The following PAM variants were observed in gnomAD, a reference collection of about 807,000 sequenced individuals.
The protein encoded by PAM is peptidylglycine alpha-amidating monooxygenase, also known as peptidyl-glycine alpha-amidating monooxygenase.
Under a neutral mutation model 122.1 loss-of-function variants are expected in PAM, and 72 were observed. That is an observed-to-expected ratio of 0.59 (90% confidence interval 0.49 to 0.72). PAM has a LOEUF of 0.72. PAM is among the 30% of genes least tolerant of loss of function. The pLI, the probability that PAM is intolerant of heterozygous loss-of-function variation, is 0.00. For missense variants in PAM, 1,106 were observed against 1,183.7 expected, an observed-to-expected ratio of 0.93 and a Z score of 0.96; for synonymous variants, 389 against 404.4, an observed-to-expected ratio of 0.96 and a Z score of 0.46.
intron 1 of PAM, among the ~76,000 whole-genome samples, chr5:102,760,044 A>T (rs1751855584): frequency 6.6e-6 from 1 of 152,116 alleles, no homozygotes; most frequent in Non-Finnish European, 1.5e-5. Flanking sequence ...TCCATTAGTC[A>T]CTCAGACTTT....
At chr5:102,954,283 T>A (rs908317412) in intron 12 of PAM, among the ~76,000 whole-genome samples, 5 of 151,996 alleles carry the variant, frequency 3.3e-5, no homozygotes, top group Non-Finnish European at 4.4e-5. Context: ...ATATGTAGTT[T>A]TTTTTATCCT....
chr5:102,927,862 T>C (rs1750141020), intron 7 of PAM, among the ~76,000 whole-genome samples: 1 of 151,882 alleles, frequency 6.6e-6, no homozygotes, highest in African/African-American at 2.4e-5. Context: ...CTTTGAGTTA[T>C]ACACAAATAA....
intron 12 of PAM, among the ~76,000 whole-genome samples, chr5:102,952,889 C>G (rs1425044044): frequency 1.3e-5 from 2 of 152,108 alleles, no homozygotes; most frequent in East Asian, 3.8e-4. Flanking sequence ...CCCACACATA[C>G]AAACACACAT....
chr5:102,878,295 T>C (rs1789848061), intron 3 of PAM, among the ~76,000 whole-genome samples: 1 of 152,328 alleles, frequency 6.6e-6, no homozygotes, highest in African/African-American at 2.4e-5. Context: ...CACCTAGTGA[T>C]GTAGCTTTCA....
intron 1 of PAM, among the ~76,000 whole-genome samples, chr5:102,852,689 T>C (rs767145161): frequency 6.6e-6 from 1 of 152,142 alleles, no homozygotes. Flanking sequence ...TAAAATAAAA[T>C]TTATGCATAT....
intron 1 of PAM, among the ~76,000 whole-genome samples, chr5:102,863,153 C>A (rs889514440): frequency 6.6e-6 from 1 of 151,570 alleles, no homozygotes; most frequent in Admixed American, 6.6e-5. Context: ...ATCATTCTTA[C>A]CTGAAGATTT....
intron 1 of PAM, among the ~76,000 whole-genome samples, chr5:102,791,389 T>C (rs1762018181): frequency 1.3e-5 from 2 of 152,114 alleles, no homozygotes; most frequent in South Asian, 2.1e-4. Flanking sequence ...TTCTTTTTTT[T>C]AACTGCCAAT....
chr5:102,903,800 C>G (rs1798729846), intron 4 of PAM, among the ~76,000 whole-genome samples: 1 of 151,528 alleles, frequency 6.6e-6, no homozygotes, highest in South Asian at 2.1e-4. Flanking sequence ...GAGAAATGAG[C>G]AAAGTTATCA....
chr5:102,920,383 A>G (rs1746988491), intron 5 of PAM, among the ~76,000 whole-genome samples: 1 of 152,064 alleles, frequency 6.6e-6, no homozygotes, highest in South Asian at 2.1e-4. Context: ...CTCTGCTTTT[A>G]TGGACTTACT....
At chr5:102,871,619 T>C (rs1787488246) in intron 3 of PAM, among the ~76,000 whole-genome samples, 2 of 150,444 alleles carry the variant, frequency 1.3e-5, no homozygotes. Context: ...TCAGAAATTC[T>C]TATACATCTT....
intron 16 of PAM, among the ~76,000 whole-genome samples, chr5:102,990,928 T>C (rs1562163129): frequency 6.6e-6 from 1 of 152,218 alleles, no homozygotes; most frequent in Non-Finnish European, 1.5e-5. Context: ...TAATATAGAC[T>C]ACTTTTATTA....
chr5:102,898,442 GGACAGTGTGTTC>G (rs1796774491), intron 3 of PAM, among the ~76,000 whole-genome samples: 1 of 151,582 alleles, frequency 6.6e-6, no homozygotes, highest in African/African-American at 2.4e-5. Context: ...ATCCTTACTA[GGACAGTGTGTTC>G]ATAGGAAGAC....
rs114666768 is a variant in PAM, at chr5:102,822,198, T to A, written c.-373-43625T>A. Among the ~76,000 whole-genome samples the A allele has an allele frequency of 6.0e-3, 918 of 152,340 alleles. 12 individuals carry two copies. The highest frequency in any genetic ancestry group is 0.021 in the African/African-American group (862 of 41,566). ...TTTCATTTTGCATCATTTATTGTTGTACATTTGTATGATTATCATCTACTT... is the reference window on the plus strand; with the variant it reads ...TTTCATTTTGCATCATTTATTGTTGAACATTTGTATGATTATCATCTACTT... On this transcript the variant is annotated intron_variant, in intron 1 of 25. Transcript: ENST00000438793.
intron 1 of PAM, among the ~76,000 whole-genome samples, chr5:102,806,098 A>G (rs1191565645): frequency 1.3e-5 from 2 of 152,186 alleles, no homozygotes; most frequent in African/African-American, 4.8e-5. Flanking sequence ...ACTGTTCTTT[A>G]TGATTGTTAC....
At chr5:102,880,723 G>GA (rs1312027070) in intron 3 of PAM, among the ~76,000 whole-genome samples, 2 of 151,562 alleles carry the variant, frequency 1.3e-5, no homozygotes, top group Non-Finnish European at 2.9e-5. Flanking sequence ...GCCTTAAAAT[G>GA]AAAAATAGAA....
chr5:102,863,971 G>A (rs1347081110), intron 1 of PAM, among the ~76,000 whole-genome samples: 2 of 150,712 alleles, frequency 1.3e-5, no homozygotes, highest in African/African-American at 4.9e-5. Flanking sequence ...GGACATCAAA[G>A]GTAATAAAAT....
chr5:102,877,874 A>G (rs1789727702), intron 3 of PAM, among the ~76,000 whole-genome samples: 1 of 152,002 alleles, frequency 6.6e-6, no homozygotes, highest in African/African-American at 2.4e-5. Context: ...ACAAAAATTT[A>G]AAACAATTAG....
intron 3 of PAM, among the ~76,000 whole-genome samples, chr5:102,870,620 T>C (rs1436189900): frequency 2.0e-5 from 3 of 152,242 alleles, no homozygotes; most frequent in Admixed American, 6.5e-5. Context: ...TTCTGTCTCT[T>C]CTCTGACTTA....
intron 7 of PAM, among the ~76,000 whole-genome samples, chr5:102,946,543 A>T (rs1004365412): frequency 1.1e-4 from 17 of 148,980 alleles, no homozygotes; most frequent in African/African-American, 4.2e-4. Context: ...GAGAGTATTA[A>T]CAACTTTCTA....
Sources: gnomAD v4.1 joint callset for allele counts (sites outside exome capture counted in the v4.1 genomes callset) on GRCh38, gnomAD v4.1.1 for gene constraint, MANE v1.5 for transcripts, NCBI Gene and HGNC (gene_info 2026-07-23, HGNC 2026-07-21) for gene names.